ATP5F1A: variants seen among roughly 807,000 people sequenced by gnomAD.
ATP5F1A encodes ATP synthase F1 subunit alpha.
In ATP5F1A, 24 loss-of-function variants were observed where a neutral mutation model predicts 57.4. The ratio of observed to expected loss-of-function variants is 0.42; its 90% confidence interval spans 0.30 to 0.59. The LOEUF (loss-of-function observed/expected upper bound fraction) is 0.59, where lower values mean the gene tolerates loss of function less well. Ranked by LOEUF, ATP5F1A falls within the 20% of genes least tolerant of loss-of-function variation. The probability of loss-of-function intolerance (pLI) is 0.19; values close to 1 mark genes in which losing one functional copy is unlikely to be tolerated. For synonymous variants in ATP5F1A, 251 were observed against 255.5 expected (o/e 0.98, Z 0.17); for missense variants, 494 against 707.9 (o/e 0.70, Z 3.43).
intron 5 of ATP5F1A, among the ~76,000 whole-genome samples, chr18:46,089,172 C>G (rs772219286): frequency 6.6e-6 from 1 of 152,034 alleles, no homozygotes; most frequent in African/African-American, 2.4e-5. Flanking sequence ...CCTCCATATG[C>G]TGAGCGCCGT....
intron 1 of ATP5F1A, chr18:46,097,788 G>A: frequency 1.9e-6 from 2 of 1,042,850 alleles, no homozygotes; most frequent in Non-Finnish European, 2.3e-6. Context: ...GCAGTTTTCT[G>A]ACCTTCAGCG....
In ATP5F1A at chr18:46,084,072, A is replaced by G. The variant is rs1295114785; in HGVS notation, c.*210T>C. The G allele has an allele frequency of 2.1e-6, 1 of 486,904 alleles. No homozygotes were observed. Among genetic ancestry groups the G allele is most frequent in the Non-Finnish European group, 3.6e-6 (1 of 279,092 alleles). The allele number at this position is 486,904 out of a possible 1,614,324, so 30.2% of individuals were successfully genotyped here. On this transcript the variant is annotated 3_prime_UTR_variant, in exon 12 of 12. Coordinates refer to ENST00000398752, the MANE Select transcript of ATP5F1A (RefSeq NM_004046.6). Reference sequence around the variant, plus strand: ...CTGTACCAATATTCAAGTAAAATAGATCAAGAAGCATTTGCTTACCAATTT... The same window carrying G: ...CTGTACCAATATTCAAGTAAAATAGGTCAAGAAGCATTTGCTTACCAATTT...
At chr18:46,100,269 A>AAAAG (rs1207834855), upstream of ATP5F1A, among the ~76,000 whole-genome samples, 1 of 149,690 alleles carries the variant, frequency 6.7e-6, no homozygotes, top group Non-Finnish European at 1.5e-5. Context: ...AAAAAAAAAA[A>AAAAG]AAAGAAAGAA....
In ATP5F1A at chr18:46,081,686, A is replaced by AACAAAAAAAAAACAAAC. The variant is rs1909758198; in HGVS notation, c.*2595_*2596insGTTTGTTTTTTTTTTGT. ...AAAAAAAAAAAACAAAAAAAAAAAA[A>AACAAAAAAAAAACAAAC]AAAAAAAAAAACGAAATGTGCAGAA... On this transcript the variant is annotated 3_prime_UTR_variant, in exon 12 of 12. Transcript: ENST00000398752. 6.7e-6 allele frequency: 1 copy of AACAAAAAAAAAACAAAC among 149,176 alleles called. No individual in the cohort carries two copies. The allele number at this position is 149,176 out of a possible 1,614,324, so 9.2% of individuals were successfully genotyped here.
intron 1 of ATP5F1A, 70 bp downstream of exon 1, chr18:46,098,102 C>A: frequency 6.5e-7 from 1 of 1,527,004 alleles, no homozygotes; most frequent in South Asian, 1.2e-5. Flanking sequence ...GCAGAGAGCG[C>A]CCGAGCCGGC....
At chr18:46,086,357 CCCCTTA>C in intron 9 of ATP5F1A, 24 bp downstream of exon 9, 1 of 1,612,788 alleles carries the variant, frequency 6.2e-7, no homozygotes, top group South Asian at 1.1e-5. Context: ...TAATGATAGC[CCCCTTA>C]CTGCCAAAGT....
At chr18:46,098,452 A>G, upstream of ATP5F1A, 1 of 1,327,136 alleles carries the variant, frequency 7.5e-7, no homozygotes, top group South Asian at 1.7e-5. Context: ...AAACCTCAAA[A>G]TGAATGATTA....
chr18:46,103,697 T>G (rs546553633), intron 1 of ATP5F1A, among the ~76,000 whole-genome samples: 2 of 148,300 alleles, frequency 1.3e-5, no homozygotes. Context: ...GGGCGGATCA[T>G]GAGGTTAGGA....
upstream of ATP5F1A, chr18:46,098,362 A>AACACCC (rs1555696620): frequency 8.4e-7 from 1 of 1,192,936 alleles, no homozygotes; most frequent in Non-Finnish European, 1.1e-6. Flanking sequence ...CCTCGCGTTC[A>AACACCC]CCACCTCTCC....
chr18:46,089,868 C>T lies in ATP5F1A; in HGVS notation c.438G>A (p.Leu146=). The change falls in exon 4 of 12, where the codon CTG becomes CTA. Residue 146 remains leucine, a synonymous_variant. Coordinates refer to ENST00000398752, the MANE Select transcript of ATP5F1A (RefSeq NM_004046.6). ...CAAGGGCATCAACTACACGACCCAACAGCTCCTCACCAACTGGAACGTCCA... is the reference window on the plus strand; with the variant it reads ...CAAGGGCATCAACTACACGACCCAATAGCTCCTCACCAACTGGAACGTCCA... ...AIVDVPVGEE[L]LGRVVDALGN... is the part of the protein sequence containing the mutation. 1 of 1,613,674 alleles carries T rather than the reference C, an allele frequency of 6.2e-7. No individual in the cohort carries two copies. The highest frequency in any genetic ancestry group is 1.1e-5 in the South Asian group (1 of 90,970).
At chr18:46,100,377 G>A (rs2144231128), upstream of ATP5F1A, among the ~76,000 whole-genome samples, 1 of 152,226 alleles carries the variant, frequency 6.6e-6, no homozygotes, top group Middle Eastern at 3.4e-3. Flanking sequence ...TTGCCATTCA[G>A]GGCATACACA....
intron 3 of ATP5F1A, 97 bp from the exon 4 acceptor site, chr18:46,090,093 G>GGGGGGGGGGGC: frequency 9.7e-6 from 4 of 414,278 alleles, no homozygotes; most frequent in Non-Finnish European, 1.7e-5. Context: ...GGTGGGGGGG[G>GGGGGGGGGGGC]AAGCAGTATT....
intron 6 of ATP5F1A, 180 bp from the exon 7 acceptor site, chr18:46,087,672 G>A: frequency 1.5e-6 from 1 of 657,432 alleles, no homozygotes; most frequent in Non-Finnish European, 2.6e-6. Flanking sequence ...CTGAGGTCAG[G>A]AGTTCGAGAC....
At position 46,088,559 on chromosome 18, in the gene ATP5F1A, C is replaced by T. The variant is rs2578193; in HGVS notation, c.651-302G>A. ...TGCAGGCAGTATACTTCGTAAAAGT[C>T]ATCGCCATTCTCCAGTCTCGAGTAC... On this transcript the variant is annotated intron_variant, in intron 5 of 11. Coordinates refer to ENST00000398752, the MANE Select transcript of ATP5F1A (RefSeq NM_004046.6). 0.1 allele frequency: 19,653 copies of T among 192,442 alleles called. 1,428 individuals carry two copies. Among genetic ancestry groups the T allele is most frequent in the East Asian group, 0.4 (2,707 of 6,768 alleles). The allele number at this position is 192,442 out of a possible 1,614,324, so 11.9% of individuals were successfully genotyped here.
At position 46,083,694 on chromosome 18, in the gene ATP5F1A, G is replaced by C. The variant is rs1413646897; in HGVS notation, c.*588C>G. 6.6e-6 allele frequency: 1 copy of C among 151,932 alleles called. No individual in the cohort carries two copies. The highest frequency in any genetic ancestry group is 1.9e-4 in the East Asian group (1 of 5,136). 9.4% of individuals were successfully genotyped at this position (151,932 alleles called of 1,614,324 possible). ...ACAAAGTACTCTAGAAACTTACAAAGAGCAGCCGGGTGCGGTGGCTCACAC... is the reference window on the plus strand; with the variant it reads ...ACAAAGTACTCTAGAAACTTACAAACAGCAGCCGGGTGCGGTGGCTCACAC... On this transcript the variant is annotated 3_prime_UTR_variant, in exon 12 of 12. Coordinates refer to ENST00000398752, the MANE Select transcript of ATP5F1A (RefSeq NM_004046.6).
At chr18:46,092,201 T>TAATAAC (rs1272447004) in intron 2 of ATP5F1A, 1 of 65,942 alleles carries the variant, frequency 1.5e-5, no homozygotes, top group Non-Finnish European at 4.5e-5. Flanking sequence ...ATAATAATAA[T>TAATAAC]AATAATAATA....
chr18:46,087,986 G>T, intron 6 of ATP5F1A, 123 bp downstream of exon 6: 1 of 1,030,580 alleles, frequency 9.7e-7, no homozygotes, highest in Non-Finnish European at 1.4e-6. Context: ...CTACTGATTT[G>T]TATTAAAAAG....
intron 1 of ATP5F1A, 63 bp downstream of exon 1, chr18:46,098,109 C>A: frequency 1.3e-6 from 2 of 1,538,746 alleles, no homozygotes; most frequent in Non-Finnish European, 1.7e-6. Flanking sequence ...GCGCCCGAGC[C>A]GGCGCACCAC....
chr18:46,099,510 T>C (rs1275972513), upstream of ATP5F1A, among the ~76,000 whole-genome samples: 1 of 152,058 alleles, frequency 6.6e-6, no homozygotes, highest in African/African-American at 2.4e-5. Flanking sequence ...AAGAGTGCAG[T>C]GGGTTTATCA....
Sources: allele counts gnomAD v4.1 joint callset (sites outside exome capture counted in the v4.1 genomes callset), GRCh38; gene constraint gnomAD v4.1.1; transcripts MANE v1.5; gene names NCBI Gene and HGNC (gene_info 2026-07-23, HGNC 2026-07-21).